The following TNRC6B variants were observed in gnomAD, a reference collection of about 807,000 sequenced individuals.
The protein encoded by TNRC6B is trinucleotide repeat-containing gene 6B protein.
In TNRC6B, 52 loss-of-function variants were observed where a neutral mutation model predicts 203.6. That is an observed-to-expected ratio of 0.26 (90% confidence interval 0.20 to 0.32). The LOEUF is 0.32. TNRC6B is among the 10% of genes least tolerant of loss of function. The pLI is 1.00. For synonymous variants in TNRC6B, 838 were observed against 845.7 expected (o/e 0.99, Z 0.16); for missense variants, 1,923 against 2,286.2 (o/e 0.84, Z 3.24).
At chr22:40,215,707 C>G (rs1396916501) in intron 1 of TNRC6B, among the ~76,000 whole-genome samples, 1 of 152,218 alleles carries the variant, frequency 6.6e-6, no homozygotes, top group Non-Finnish European at 1.5e-5. Flanking sequence ...TTCTCTCTCT[C>G]CCCTTTTCAG....
At chr22:40,179,407 CT>C (rs1056514433) in intron 1 of TNRC6B, among the ~76,000 whole-genome samples, 1 of 152,086 alleles carries the variant, frequency 6.6e-6, no homozygotes, top group Admixed American at 6.6e-5. Context: ...TTTCTTTTCT[CT>C]TTTTTTCCTA....
At chr22:40,197,238 A>G (rs1223144927) in intron 1 of TNRC6B, among the ~76,000 whole-genome samples, 1 of 152,110 alleles carries the variant, frequency 6.6e-6, no homozygotes, top group African/African-American at 2.4e-5. Context: ...TGTGCAGAAT[A>G]GGAGGTCTTT....
chr22:40,242,426 TTTTTC>T (rs572419306), intron 1 of TNRC6B, among the ~76,000 whole-genome samples: 1 of 152,130 alleles, frequency 6.6e-6, no homozygotes, highest in Non-Finnish European at 1.5e-5. Flanking sequence ...ATTATTCTTT[TTTTTC>T]TTTTCTTTTT....
At chr22:40,099,454 A>G (rs773413342) in intron 1 of TNRC6B, among the ~76,000 whole-genome samples, 1 of 152,294 alleles carries the variant, frequency 6.6e-6, no homozygotes, top group Admixed American at 6.5e-5. Flanking sequence ...TAGAGCCTCA[A>G]CAAGATTAGT....
chr22:40,123,504 C>T (rs1048971834), intron 2 of TNRC6B, among the ~76,000 whole-genome samples: 1 of 152,198 alleles, frequency 6.6e-6, no homozygotes, highest in Non-Finnish European at 1.5e-5. Context: ...CTCCCGACCT[C>T]CTGTCTCCAG....
chr22:40,219,208 G>A (rs951856811), intron 1 of TNRC6B, among the ~76,000 whole-genome samples: 4 of 152,316 alleles, frequency 2.6e-5, no homozygotes, highest in Admixed American at 1.3e-4. Context: ...GTTCACCTCT[G>A]TATCTATACC....
At chr22:40,152,037 C>T (rs751836554) in intron 3 of TNRC6B, among the ~76,000 whole-genome samples, 75 of 152,112 alleles carry the variant, frequency 4.9e-4, no homozygotes, top group Non-Finnish European at 8.7e-4. Context: ...TAAGTACTTA[C>T]CTAGCACCAG....
intron 1 of TNRC6B, among the ~76,000 whole-genome samples, chr22:40,104,111 C>T (rs930926666): frequency 2.0e-5 from 3 of 151,890 alleles, no homozygotes; most frequent in African/African-American, 7.2e-5. Context: ...ATTAGCCAGG[C>T]GTGGTGGCGG....
upstream of TNRC6B, among the ~76,000 whole-genome samples, chr22:40,173,791 ATATTTTTTTT>A (rs1327072263): frequency 1.6e-4 from 7 of 44,456 alleles, no homozygotes; most frequent in African/African-American, 7.0e-4. Flanking sequence ...ATATATATAT[ATATTTTTTTT>A]TTTTTTTTTT....
intron 1 of TNRC6B, among the ~76,000 whole-genome samples, chr22:40,063,552 C>G (rs943614749): frequency 7.9e-5 from 12 of 152,180 alleles, no homozygotes; most frequent in African/African-American, 2.9e-4. Flanking sequence ...ACATTTGCTG[C>G]TTTTCCATTT....
At chr22:40,073,691 ATC>A (rs2067975960) in intron 1 of TNRC6B, among the ~76,000 whole-genome samples, 1 of 152,168 alleles carries the variant, frequency 6.6e-6, no homozygotes, top group Non-Finnish European at 1.5e-5. Context: ...AGGCAGGTGG[ATC>A]TCTTAAGGCA....
At chr22:40,163,643 C>T (rs2068891965) in intron 4 of TNRC6B, among the ~76,000 whole-genome samples, 1 of 151,558 alleles carries the variant, frequency 6.6e-6, no homozygotes, top group South Asian at 2.1e-4. Context: ...TGCCTGTAAT[C>T]TCAGCTACTC....
chr22:40,292,167 T>C (rs743899), intron 12 of TNRC6B, among the ~76,000 whole-genome samples: 44,748 of 151,366 alleles, frequency 0.3, 7,579 homozygotes, highest in South Asian at 0.45. Context: ...GCGCTCCAGC[T>C]TGGGCGACAG....
rs114616188 is a variant in TNRC6B at position 40,074,215 on chromosome 22, G to A, written c.-121+29217G>A. Among the ~76,000 whole-genome samples the A allele has an allele frequency of 9.2e-3, 1,332 of 144,834 alleles. 20 individuals are homozygous for A. The highest frequency in any genetic ancestry group is 0.033 in the African/African-American group (1,268 of 38,308). ...CCACTGCTCTCCAGCCTCGGTGACA[G>A]AGTGAAGGTCGCTCTGTCTCAAAAA... On this transcript the variant is annotated intron_variant, in intron 1 of 23. Transcript: ENST00000301923.
rs191823782 is a variant in TNRC6B at position 40,275,915 on chromosome 22, C to T, written c.3142-1162C>T. Among the ~76,000 whole-genome samples the T allele has an allele frequency of 3.5e-3, 529 of 151,652 alleles. 3 individuals are homozygous for T. Among genetic ancestry groups the T allele is most frequent in the African/African-American group, 0.011 (466 of 41,344 alleles). On this transcript the variant is annotated intron_variant, in intron 7 of 22. Coordinates refer to ENST00000454349, the MANE Select transcript of TNRC6B (RefSeq NM_001162501.2). ...TAGAGGTTGCAGTGAGCCGAGATCGCGCCATTGCACTCCAGCCTGGGTGAC... is the reference window on the plus strand; with the variant it reads ...TAGAGGTTGCAGTGAGCCGAGATCGTGCCATTGCACTCCAGCCTGGGTGAC...
chr22:40,279,843 C>G (rs1481125823), intron 9 of TNRC6B, among the ~76,000 whole-genome samples, 152 bp from the exon 10 acceptor site: 1 of 152,098 alleles, frequency 6.6e-6, no homozygotes, highest in Non-Finnish European at 1.5e-5. Context: ...GCAGCCTGGA[C>G]CAATGAGAGT....
At chr22:40,179,528 G>A (rs80219967) in intron 1 of TNRC6B, among the ~76,000 whole-genome samples, 28 of 152,276 alleles carry the variant, frequency 1.8e-4, no homozygotes, top group Non-Finnish European at 3.4e-4. Flanking sequence ...TATGCAAATG[G>A]GTTGAATTGT....
At chr22:40,216,218 T>G (rs2069633181) in intron 1 of TNRC6B, among the ~76,000 whole-genome samples, 1 of 152,198 alleles carries the variant, frequency 6.6e-6, no homozygotes, top group Middle Eastern at 3.2e-3. Context: ...AGTTTAATTG[T>G]AACTTCCTGG....
chr22:40,075,014 A>T (rs969838323), intron 1 of TNRC6B, among the ~76,000 whole-genome samples: 14 of 151,564 alleles, frequency 9.2e-5, no homozygotes, highest in South Asian at 2.1e-4. Flanking sequence ...GAGATCTGTC[A>T]TGATTTGTAT....
Sources: allele counts gnomAD v4.1 joint callset (sites outside exome capture counted in the v4.1 genomes callset), GRCh38; gene constraint gnomAD v4.1.1; transcripts MANE v1.5; gene names NCBI Gene and HGNC (gene_info 2026-07-23, HGNC 2026-07-21).